The following SYT9 variants were observed in gnomAD, a reference collection of about 807,000 sequenced individuals.
The protein encoded by SYT9 is synaptotagmin-9.
Under a neutral mutation model 48.4 loss-of-function variants are expected in SYT9, and 22 were observed. That is an observed-to-expected ratio of 0.45 (90% CI 0.32 to 0.65). SYT9 has a LOEUF of 0.65. Ranked by LOEUF, SYT9 falls within the 30% of genes least tolerant of loss-of-function variation. SYT9 has a pLI of 0.03. For missense variants in SYT9, 577 were observed against 622.0 expected (o/e 0.93, Z 0.77); for synonymous variants, 265 against 245.0 (o/e 1.08, Z -0.76).
At chr11:7,331,018 C>G (rs893761667) in intron 3 of SYT9, among the ~76,000 whole-genome samples, 1 of 151,750 alleles carries the variant, frequency 6.6e-6, no homozygotes, top group Non-Finnish European at 1.5e-5. Flanking sequence ...AGGCTGGTCT[C>G]GAACTCCTGA....
At chr11:7,397,019 A>AT (rs1483972919) in intron 3 of SYT9, among the ~76,000 whole-genome samples, 5 of 152,174 alleles carry the variant, frequency 3.3e-5, no homozygotes, top group East Asian at 1.9e-4. Flanking sequence ...CAGTTTATCC[A>AT]TTTTTTTGTA....
chr11:7,355,240 G>A (rs530358836), intron 3 of SYT9, among the ~76,000 whole-genome samples: 1 of 152,170 alleles, frequency 6.6e-6, no homozygotes, highest in South Asian at 2.1e-4. Context: ...CAGGACACAG[G>A]TGTGCCACTA....
intron 1 of SYT9, among the ~76,000 whole-genome samples, chr11:7,261,589 G>A (rs1314437687): frequency 6.6e-6 from 1 of 152,088 alleles, no homozygotes; most frequent in African/African-American, 2.4e-5. Flanking sequence ...AGTGCTAAGG[G>A]AAAAAACAAG....
chr11:7,329,519 C>G (rs536310136), intron 3 of SYT9, among the ~76,000 whole-genome samples: 163 of 152,134 alleles, frequency 1.1e-3, no homozygotes, highest in African/African-American at 3.7e-3. Context: ...GCATTTGAGA[C>G]AAAAGGAAAG....
At chr11:7,315,418 C>A (rs1208824345) in intron 3 of SYT9, among the ~76,000 whole-genome samples, 1 of 152,202 alleles carries the variant, frequency 6.6e-6, no homozygotes, top group African/African-American at 2.4e-5. Context: ...TTTACTAAGT[C>A]TCCCTGGTTA....
intron 6 of SYT9, among the ~76,000 whole-genome samples, chr11:7,442,900 A>T (rs117566899): frequency 0.01 from 1,564 of 152,326 alleles, 18 homozygotes; most frequent in Middle Eastern, 0.034. Context: ...ATGTCCAGAC[A>T]CTGAGGATTC....
intron 3 of SYT9, among the ~76,000 whole-genome samples, chr11:7,366,474 T>C (rs1320944702): frequency 6.6e-6 from 1 of 152,224 alleles, no homozygotes; most frequent in Non-Finnish European, 1.5e-5. Flanking sequence ...AGTTAATTAA[T>C]AGACATCCAC....
chr11:7,365,683 G>A (rs1850227604), intron 3 of SYT9, among the ~76,000 whole-genome samples: 1 of 152,148 alleles, frequency 6.6e-6, no homozygotes, highest in Non-Finnish European at 1.5e-5. Context: ...CTGGCCTCTG[G>A]TTCTCATTAC....
intron 6 of SYT9, among the ~76,000 whole-genome samples, chr11:7,460,342 G>A (rs7939492): frequency 0.24 from 36,366 of 151,942 alleles, 5,992 homozygotes; most frequent in African/African-American, 0.47. Flanking sequence ...ATTTTTAAAT[G>A]AGAAAAAAGA....
chr11:7,437,652 A>AT (rs1490824812), intron 6 of SYT9: 1 of 152,132 alleles, frequency 6.6e-6, no homozygotes, highest in East Asian at 1.9e-4. Flanking sequence ...AAAAGCCAGA[A>AT]TTCTAAGATT....
At chr11:7,265,957 A>G (rs1472863918) in intron 1 of SYT9, among the ~76,000 whole-genome samples, 1 of 152,168 alleles carries the variant, frequency 6.6e-6, no homozygotes, top group Non-Finnish European at 1.5e-5. Flanking sequence ...GCTATAAATC[A>G]TCCTAGCCAA....
chr11:7,264,432 A>G (rs1848137500), intron 1 of SYT9, among the ~76,000 whole-genome samples: 1 of 152,132 alleles, frequency 6.6e-6, no homozygotes, highest in Non-Finnish European at 1.5e-5. Context: ...TGTGTGTATG[A>G]GAACAAGGAA....
intron 3 of SYT9, among the ~76,000 whole-genome samples, chr11:7,378,974 G>C (rs1445242535): frequency 2.0e-5 from 3 of 152,156 alleles, no homozygotes; most frequent in African/African-American, 4.8e-5. Context: ...ACAACACTCA[G>C]TTCTAAGGAT....
At chr11:7,418,187 A>G (rs12365591) in intron 5 of SYT9, 59 bp downstream of exon 5, 218,511 of 1,566,190 alleles carry the variant, frequency 0.14, 15,964 homozygotes, top group East Asian at 0.27. Context: ...CTGGGAAGGC[A>G]GAGGGGGAGC....
intron 6 of SYT9, among the ~76,000 whole-genome samples, chr11:7,462,544 C>T (rs527524072): frequency 1.2e-4 from 19 of 152,148 alleles, no homozygotes; most frequent in South Asian, 8.3e-4. Context: ...ACTGGCAGCG[C>T]GTGATAATTT....
chr11:7,259,584 G>T (rs1315635590), intron 1 of SYT9, among the ~76,000 whole-genome samples: 5 of 152,070 alleles, frequency 3.3e-5, no homozygotes, highest in African/African-American at 1.2e-4. Context: ...ATTTAACATG[G>T]TTTAAACAGC....
At chr11:7,282,953 G>T (rs1384261004) in intron 1 of SYT9, among the ~76,000 whole-genome samples, 3 of 141,144 alleles carry the variant, frequency 2.1e-5, no homozygotes, top group Non-Finnish European at 1.5e-5. Flanking sequence ...CATTACCAAA[G>T]GAGAGAGAGA....
chr11:7,268,057 G>A (rs945080791), intron 1 of SYT9, among the ~76,000 whole-genome samples: 1 of 151,928 alleles, frequency 6.6e-6, no homozygotes, highest in African/African-American at 2.4e-5. Context: ...AACTTTCTGT[G>A]TAAAAAGGTA....
chr11:7,466,397 C>T (rs1310818028), intron 6 of SYT9, among the ~76,000 whole-genome samples: 2 of 152,124 alleles, frequency 1.3e-5, no homozygotes, highest in South Asian at 2.1e-4. Context: ...GCATCTATTA[C>T]CATGCCTGGC....
Sources: gnomAD v4.1 joint callset for allele counts (sites outside exome capture counted in the v4.1 genomes callset) on GRCh38, gnomAD v4.1.1 for gene constraint, MANE v1.5 for transcripts, NCBI Gene and HGNC (gene_info 2026-07-23, HGNC 2026-07-21) for gene names.